Variants in PDE4D observed in about 807,000 individuals in gnomAD.
PDE4D encodes 3',5'-cyclic-AMP phosphodiesterase 4D.
A neutral mutation model predicts 87.4 loss-of-function variants in PDE4D; 24 were observed. That is an observed-to-expected ratio of 0.27 (90% CI 0.20 to 0.39). PDE4D has a LOEUF of 0.39. PDE4D is among the 10% of genes least tolerant of loss of function. The probability of loss-of-function intolerance (pLI) is 1.00; values close to 1 mark genes in which losing one functional copy is unlikely to be tolerated. For missense variants in PDE4D, 714 were observed against 1,041.0 expected (o/e 0.69, Z 4.32); for synonymous variants, 384 against 383.2 (o/e 1.00, Z -0.02).
chr5:59,900,512 C>T (rs1296726138), intron 3 of PDE4D, among the ~76,000 whole-genome samples: 5 of 152,058 alleles, frequency 3.3e-5, no homozygotes, highest in Non-Finnish European at 7.4e-5. Flanking sequence ...ATATTGGAAG[C>T]TGCATATTGC....
chr5:60,228,921 A>T (rs560354579), intron 1 of PDE4D, among the ~76,000 whole-genome samples: 3 of 152,184 alleles, frequency 2.0e-5, no homozygotes, highest in African/African-American at 7.2e-5. Flanking sequence ...CCCATGTCAG[A>T]TTAAAGAATC....
intron 1 of PDE4D, among the ~76,000 whole-genome samples, chr5:60,348,394 T>A (rs1758905428): frequency 6.6e-6 from 1 of 151,670 alleles, no homozygotes; most frequent in Non-Finnish European, 1.5e-5. Context: ...CAAACTAATA[T>A]TAAGTTTAAA....
At chr5:59,462,891 A>G (rs1309295951) in intron 1 of PDE4D, among the ~76,000 whole-genome samples, 1 of 150,156 alleles carries the variant, frequency 6.7e-6, no homozygotes, top group Non-Finnish European at 1.5e-5. Flanking sequence ...ATAACTTGTA[A>G]AAAGTTAATT....
At chr5:59,001,835 G>A (rs561154112) in intron 6 of PDE4D, among the ~76,000 whole-genome samples, 1 of 152,248 alleles carries the variant, frequency 6.6e-6, no homozygotes, top group East Asian at 1.9e-4. Flanking sequence ...CAGTCAGTGA[G>A]CCTATATTTC....
At chr5:59,565,457 T>C (rs1211817822) in intron 1 of PDE4D, among the ~76,000 whole-genome samples, 1 of 152,174 alleles carries the variant, frequency 6.6e-6, no homozygotes, top group African/African-American at 2.4e-5. Flanking sequence ...AGGTTAAGGC[T>C]ACAGTGAGCC....
chr5:59,557,710 T>C (rs1819201151), intron 1 of PDE4D, among the ~76,000 whole-genome samples: 2 of 152,176 alleles, frequency 1.3e-5, no homozygotes, highest in Non-Finnish European at 2.9e-5. Context: ...TTTATTTAAT[T>C]AAAGAATGAG....
chr5:60,034,155 C>T (rs1218308470), intron 2 of PDE4D, among the ~76,000 whole-genome samples: 2 of 152,156 alleles, frequency 1.3e-5, no homozygotes, highest in Non-Finnish European at 1.5e-5. Flanking sequence ...AGGCAAGAAG[C>T]ATGCAAGTAA....
chr5:59,535,236 C>T (rs374448674), intron 1 of PDE4D, among the ~76,000 whole-genome samples: 4 of 152,214 alleles, frequency 2.6e-5, no homozygotes, highest in African/African-American at 7.2e-5. Context: ...TCTAAAGCAG[C>T]GGAGTCATGA....
chr5:59,823,272 T>C (rs1196426515), intron 1 of PDE4D, among the ~76,000 whole-genome samples: 2 of 152,222 alleles, frequency 1.3e-5, no homozygotes, highest in Non-Finnish European at 1.5e-5. Flanking sequence ...ATGCTCCAAT[T>C]TGTAGACTCC....
At chr5:60,117,215 G>A (rs902684212) in intron 2 of PDE4D, among the ~76,000 whole-genome samples, 1 of 151,900 alleles carries the variant, frequency 6.6e-6, no homozygotes, top group African/African-American at 2.4e-5. Context: ...ACAAAGGAAT[G>A]GTTCTAGTAA....
chr5:59,178,573 C>T (rs911213715), intron 5 of PDE4D, among the ~76,000 whole-genome samples: 2 of 152,084 alleles, frequency 1.3e-5, no homozygotes, highest in African/African-American at 4.8e-5. Context: ...TTGAGTGTAG[C>T]TACTCTCTCC....
At chr5:60,030,327 G>GTA (rs1287124850) in intron 2 of PDE4D, among the ~76,000 whole-genome samples, 32 of 152,132 alleles carry the variant, frequency 2.1e-4, no homozygotes, top group African/African-American at 7.5e-4. Flanking sequence ...GCGGGCACCT[G>GTA]TAGTCCCAGC....
intron 5 of PDE4D, among the ~76,000 whole-genome samples, chr5:59,175,471 CTTTTTTTT>C (rs563138575): frequency 6.6e-5 from 6 of 91,208 alleles, no homozygotes; most frequent in African/African-American, 2.0e-4. Flanking sequence ...ATTTTTCTTT[CTTTTTTTT>C]TTTTTTTTTT....
At chr5:59,779,991 A>C (rs1167139228) in intron 1 of PDE4D, among the ~76,000 whole-genome samples, 1 of 152,208 alleles carries the variant, frequency 6.6e-6, no homozygotes, top group Non-Finnish European at 1.5e-5. Context: ...TTATGTTGTC[A>C]TCAATTTCCC....
chr5:59,210,367 C>T (rs1001556869), intron 2 of PDE4D, among the ~76,000 whole-genome samples: 2 of 152,172 alleles, frequency 1.3e-5, no homozygotes, highest in African/African-American at 4.8e-5. Flanking sequence ...GGAAGCAATA[C>T]TACTCTTATA....
chr5:59,795,411 A>T (rs1766350633), intron 1 of PDE4D, among the ~76,000 whole-genome samples: 1 of 152,192 alleles, frequency 6.6e-6, no homozygotes, highest in South Asian at 2.1e-4. Context: ...ACGCTGAAAG[A>T]ATACCTGGCA....
At chr5:59,572,892 T>G (rs1008888224) in intron 1 of PDE4D, among the ~76,000 whole-genome samples, 3 of 152,242 alleles carry the variant, frequency 2.0e-5, no homozygotes, top group African/African-American at 7.2e-5. Context: ...GGAGAGGAAC[T>G]AAAATATATC....
intron 2 of PDE4D, among the ~76,000 whole-genome samples, chr5:60,125,137 A>T (rs1779018788): frequency 6.6e-6 from 1 of 152,138 alleles, no homozygotes; most frequent in South Asian, 2.1e-4. Flanking sequence ...ACCAACCTGA[A>T]CTCAAGACTA....
intron 1 of PDE4D, among the ~76,000 whole-genome samples, chr5:60,322,161 C>T (rs1016925497): frequency 6.6e-6 from 1 of 152,062 alleles, no homozygotes; most frequent in African/African-American, 2.4e-5. Context: ...ACCTAAATGT[C>T]CATCAGTGGT....
Sources: gnomAD v4.1 joint callset for allele counts (sites outside exome capture counted in the v4.1 genomes callset) on GRCh38, gnomAD v4.1.1 for gene constraint, MANE v1.5 for transcripts, NCBI Gene and HGNC (gene_info 2026-07-23, HGNC 2026-07-21) for gene names.